The following TAMM41 variants were observed in gnomAD, a reference collection of about 807,000 sequenced individuals.
TAMM41 encodes the protein TAM41 mitochondrial translocator assembly and maintenance homolog, also known as phosphatidate cytidylyltransferase, mitochondrial.
In TAMM41, 36 loss-of-function variants were observed where a neutral mutation model predicts 44.1. That is an observed-to-expected ratio of 0.82 (90% CI 0.63 to 1.08). TAMM41 has a LOEUF of 1.08. Ranked by LOEUF, TAMM41 falls within the 50% of genes least tolerant of loss-of-function variation. TAMM41 has a pLI of 0.00. For missense variants in TAMM41, 417 were observed against 404.3 expected, an observed-to-expected ratio of 1.03 and a Z score of -0.27; for synonymous variants, 164 against 153.1, an observed-to-expected ratio of 1.07 and a Z score of -0.53.
At chr3:11,846,466 CAG>C in intron 1 of TAMM41, 34 bp downstream of exon 1, 2 of 1,613,080 alleles carry the variant, frequency 1.2e-6, no homozygotes, top group South Asian at 2.2e-5. Context: ...CTCGTGAGAA[CAG>C]ACAGTTCCCC....
chr3:11,778,534 C>G, the TAMM41 span, among the ~76,000 whole-genome samples: 1 of 152,192 alleles, frequency 6.6e-6, no homozygotes, highest in South Asian at 2.1e-4. Context: ...CAGCAACTGC[C>G]CCACTTCACA....
At chr3:11,840,716 A>G (rs2079398433) in intron 2 of TAMM41, among the ~76,000 whole-genome samples, 1 of 151,882 alleles carries the variant, frequency 6.6e-6, no homozygotes, top group Admixed American at 6.6e-5. Flanking sequence ...ATTGGGAGTA[A>G]AAAAAACTTG....
In TAMM41 at chr3:11,813,866, ATATATATG is replaced by A. The variant is rs536019413; in HGVS notation, c.708+3318_708+3325del. 6.8e-4 allele frequency among the ~76,000 whole-genome samples: 97 copies of A among 142,818 alleles called. No individual in the cohort carries two copies. The East Asian group carries it at 8.0e-3, about 12-fold the overall frequency. 93.7% of individuals were successfully genotyped at this position (142,818 alleles called of 152,430 possible). Reference sequence around the variant, plus strand: ...TGTGTGTGTGTGTGTGTATGTATGTATATATATGTATATATGTATATATGTGTATATAT... The same window carrying A: ...TGTGTGTGTGTGTGTGTATGTATGTATATATATGTATATATGTGTATATAT... On this transcript the variant is annotated intron_variant, in intron 5 of 7. Coordinates refer to ENST00000455809, the MANE Select transcript of TAMM41 (RefSeq NM_001284401.2).
At chr3:11,803,622 C>T (rs981959870) in intron 7 of TAMM41, among the ~76,000 whole-genome samples, 2 of 152,182 alleles carry the variant, frequency 1.3e-5, no homozygotes, top group African/African-American at 2.4e-5. Flanking sequence ...AAAAACCACT[C>T]GTATGTTTAC....
the TAMM41 span, among the ~76,000 whole-genome samples, chr3:11,742,812 T>A: frequency 6.6e-6 from 1 of 151,764 alleles, no homozygotes; most frequent in Non-Finnish European, 1.5e-5. Flanking sequence ...TCCAGGCTGG[T>A]CTCGAACTCC....
intron 7 of TAMM41, among the ~76,000 whole-genome samples, chr3:11,803,553 C>G (rs1302993382): frequency 6.6e-6 from 1 of 152,094 alleles, no homozygotes; most frequent in Non-Finnish European, 1.5e-5. Context: ...ATCTAGCAAT[C>G]CCATTACTAT....
In TAMM41 at chr3:11,790,590, G is replaced by T; in HGVS notation, c.938-9C>A. The T allele has an allele frequency of 6.2e-7, 1 of 1,608,722 alleles. No homozygotes were observed. The highest frequency in any genetic ancestry group is 1.1e-5 in the South Asian group (1 of 90,870). ...CACTGACTTCTTCAGGCCTAAAAGA[G>T]AAAAGATGAGAAAGTAAGAAGATGG... On this transcript the variant is annotated splice_polypyrimidine_tract_variant and intron_variant, in intron 7 of 7. Transcript: ENST00000455809.
At chr3:11,784,924 TC>T in the TAMM41 span, among the ~76,000 whole-genome samples, 1 of 149,876 alleles carries the variant, frequency 6.7e-6, no homozygotes, top group Non-Finnish European at 1.5e-5. Flanking sequence ...AGCCTCAGCC[TC>T]CCAAGTAGTT....
At chr3:11,753,605 C>T in the TAMM41 span, among the ~76,000 whole-genome samples, 5 of 150,272 alleles carry the variant, frequency 3.3e-5, no homozygotes, top group Non-Finnish European at 5.9e-5. Context: ...GGCGTGGTGG[C>T]GGGCGCCTGT....
the TAMM41 span, among the ~76,000 whole-genome samples, chr3:11,758,638 A>G: frequency 1.3e-5 from 2 of 152,080 alleles, no homozygotes; most frequent in Non-Finnish European, 2.9e-5. Flanking sequence ...GGCGTGAGCC[A>G]CTGCACCCGG....
the TAMM41 span, among the ~76,000 whole-genome samples, chr3:11,775,206 T>G: frequency 2.4e-5 from 1 of 41,190 alleles, no homozygotes; most frequent in African/African-American, 1.2e-4. Flanking sequence ...ACAGGCATTT[T>G]TTTTGGTTGG....
chr3:11,809,783 T>A, intron 5 of TAMM41, 101 bp from the exon 6 acceptor site: 1 of 1,210,920 alleles, frequency 8.3e-7, no homozygotes, highest in Non-Finnish European at 1.2e-6. Flanking sequence ...CAAACATATA[T>A]GCACCCACAC....
chr3:11,762,969 C>T, the TAMM41 span, among the ~76,000 whole-genome samples: 7 of 152,196 alleles, frequency 4.6e-5, no homozygotes, highest in South Asian at 2.1e-4. Context: ...ACCCAGAAGG[C>T]GGAGGTTGCA....
At chr3:11,784,827 G>T in the TAMM41 span, among the ~76,000 whole-genome samples, 28 of 144,470 alleles carry the variant, frequency 1.9e-4, no homozygotes, top group South Asian at 1.3e-3. Context: ...TGAGGAGGAG[G>T]AGTCTCGCTC....
At chr3:11,747,765 C>CA in the TAMM41 span, among the ~76,000 whole-genome samples, 1 of 149,500 alleles carries the variant, frequency 6.7e-6, no homozygotes, top group Non-Finnish European at 1.5e-5. Flanking sequence ...GACCCTGTCT[C>CA]AAAAAAATTA....
At chr3:11,842,511 T>C (rs1023621776) in intron 2 of TAMM41, among the ~76,000 whole-genome samples, 3 of 150,442 alleles carry the variant, frequency 2.0e-5, no homozygotes, top group Non-Finnish European at 2.9e-5. Flanking sequence ...CTGGGCAACA[T>C]GGCAAAACCC....
At chr3:11,831,258 G>C (rs1240373935) in intron 3 of TAMM41, among the ~76,000 whole-genome samples, 1 of 152,074 alleles carries the variant, frequency 6.6e-6, no homozygotes, top group Non-Finnish European at 1.5e-5. Flanking sequence ...AGGAGGCCTC[G>C]GTGAGGGCTG....
chr3:11,746,956 A>G, the TAMM41 span, among the ~76,000 whole-genome samples: 30 of 152,300 alleles, frequency 2.0e-4, no homozygotes, highest in African/African-American at 7.2e-4. Context: ...GATTCCATCT[A>G]TATCTAGAAA....
chr3:11,779,769 T>C, the TAMM41 span, among the ~76,000 whole-genome samples: 1 of 152,214 alleles, frequency 6.6e-6, no homozygotes, highest in African/African-American at 2.4e-5. Flanking sequence ...GGGAGCCAAC[T>C]GTTTACTCAA....
Sources: allele counts gnomAD v4.1 joint callset (sites outside exome capture counted in the v4.1 genomes callset), GRCh38; gene constraint gnomAD v4.1.1; transcripts MANE v1.5; gene names NCBI Gene and HGNC (gene_info 2026-07-23, HGNC 2026-07-21).